The following ARHGEF10L variants were observed in gnomAD, a reference collection of about 807,000 sequenced individuals.
The protein encoded by ARHGEF10L is Rho guanine nucleotide exchange factor 10 like.
ARHGEF10L carries 69 observed loss-of-function variants against 141.2 expected under a neutral mutation model. The observed-to-expected ratio is 0.49, with a 90% CI of 0.40 to 0.60. The LOEUF (loss-of-function observed/expected upper bound fraction) is 0.60, where lower values mean the gene tolerates loss of function less well. ARHGEF10L is among the 20% of genes least tolerant of loss of function. ARHGEF10L has a pLI of 0.00. For missense variants in ARHGEF10L, 1,482 were observed against 1,734.3 expected (o/e 0.85, Z 2.58); for synonymous variants, 711 against 718.5 (o/e 0.99, Z 0.17).
intron 4 of ARHGEF10L, among the ~76,000 whole-genome samples, chr1:17,598,712 A>G (rs1030681885): frequency 4.1e-4 from 62 of 151,548 alleles, no homozygotes; most frequent in Non-Finnish European, 1.0e-4. Flanking sequence ...TTCATACCAT[A>G]GCAGATGGAG....
chr1:17,541,793 C>T (rs1026114462), intron 1 of ARHGEF10L, among the ~76,000 whole-genome samples: 1 of 151,512 alleles, frequency 6.6e-6, no homozygotes, highest in Non-Finnish European at 1.5e-5. Flanking sequence ...CATGGTGAAA[C>T]CCCATCTCTA....
chr1:17,668,699 G>A (rs909474486), intron 26 of ARHGEF10L, among the ~76,000 whole-genome samples: 2 of 152,198 alleles, frequency 1.3e-5, no homozygotes, highest in African/African-American at 2.4e-5. Context: ...ACGCCCCCAT[G>A]TGCAGCCAGG....
intron 27 of ARHGEF10L, among the ~76,000 whole-genome samples, chr1:17,689,124 C>G (rs144671048): frequency 6.6e-6 from 1 of 152,070 alleles, no homozygotes; most frequent in Non-Finnish European, 1.5e-5. Flanking sequence ...ATGCAGTAGA[C>G]CAGAGGCAGG....
intron 21 of ARHGEF10L, among the ~76,000 whole-genome samples, chr1:17,641,508 A>G (rs906038254): frequency 6.6e-6 from 1 of 151,912 alleles, no homozygotes; most frequent in African/African-American, 2.4e-5. Context: ...CTGTAGTCCC[A>G]GCTACTCGGG....
At chr1:17,690,941 A>G (rs538798229) in intron 27 of ARHGEF10L, among the ~76,000 whole-genome samples, 8 of 152,294 alleles carry the variant, frequency 5.3e-5, no homozygotes, top group African/African-American at 1.7e-4. Context: ...CTTCCCCCAC[A>G]CCAGCAAATG....
intron 1 of ARHGEF10L, among the ~76,000 whole-genome samples, chr1:17,560,131 G>A (rs2077488548): frequency 3.3e-5 from 5 of 152,136 alleles, no homozygotes; most frequent in Admixed American, 3.3e-4. Context: ...GTGCCCTCCA[G>A]GGGAACGAGG....
intron 9 of ARHGEF10L, among the ~76,000 whole-genome samples, chr1:17,617,217 C>T (rs534800006): frequency 9.9e-5 from 15 of 152,212 alleles, no homozygotes; most frequent in African/African-American, 3.4e-4. Flanking sequence ...GAGGGTTTTA[C>T]GCAGAAGCGT....
chr1:17,692,743 G>A (rs949834249), intron 27 of ARHGEF10L, among the ~76,000 whole-genome samples: 3 of 152,218 alleles, frequency 2.0e-5, no homozygotes, highest in Admixed American at 6.5e-5. Flanking sequence ...AGGCCTTCCG[G>A]TAGCTTTTCA....
chr1:17,516,694 AAGGCT>A, the ARHGEF10L span, among the ~76,000 whole-genome samples: 9 of 152,132 alleles, frequency 5.9e-5, no homozygotes, highest in Non-Finnish European at 5.9e-5. Flanking sequence ...TGCAGGAATC[AAGGCT>A]AGGGGGTGGG....
intron 5 of ARHGEF10L, 121 bp downstream of exon 5, chr1:17,602,339 G>T (rs1419301575): frequency 1.7e-6 from 2 of 1,173,574 alleles, no homozygotes; most frequent in Admixed American, 2.3e-5. Flanking sequence ...CTCACCGGGG[G>T]CTTCTGTGGC....
intron 26 of ARHGEF10L, among the ~76,000 whole-genome samples, chr1:17,686,601 G>C (rs960826744): frequency 6.6e-6 from 1 of 152,158 alleles, no homozygotes; most frequent in Non-Finnish European, 1.5e-5. Flanking sequence ...GTTCGGGGGG[G>C]CAGTGCGTGC....
chr1:17,560,624 G>A (rs2077508053), intron 1 of ARHGEF10L, among the ~76,000 whole-genome samples: 1 of 152,176 alleles, frequency 6.6e-6, no homozygotes, highest in Non-Finnish European at 1.5e-5. Flanking sequence ...GGAGTACAAT[G>A]GCGCAATCTC....
At chr1:17,581,470 C>T (rs953269252) in intron 2 of ARHGEF10L, among the ~76,000 whole-genome samples, 11 of 152,178 alleles carry the variant, frequency 7.2e-5, no homozygotes, top group Admixed American at 2.0e-4. Context: ...ATCCAGGCCC[C>T]GCCTGGGAGG....
the ARHGEF10L span, among the ~76,000 whole-genome samples, chr1:17,527,830 C>T: frequency 6.7e-6 from 1 of 149,468 alleles, no homozygotes; most frequent in African/African-American, 2.5e-5. Flanking sequence ...TTATTGCCCT[C>T]TAGTGCTTTT....
intron 27 of ARHGEF10L, among the ~76,000 whole-genome samples, chr1:17,690,125 G>A (rs1027213827): frequency 2.0e-5 from 3 of 152,212 alleles, no homozygotes; most frequent in East Asian, 1.9e-4. Context: ...ACGGACTCTC[G>A]TTAGAGCTTC....
At chr1:17,580,804 T>C (rs1457096138) in intron 2 of ARHGEF10L, among the ~76,000 whole-genome samples, 172 bp downstream of exon 2, 1 of 152,114 alleles carries the variant, frequency 6.6e-6, no homozygotes, top group Non-Finnish European at 1.5e-5. Context: ...GTCTACAAAA[T>C]AGAAGTAACT....
Position 17,696,919 on chromosome 1 carries a change from G to A in ARHGEF10L, c.3379G>A (p.Ala1127Thr), listed in dbSNP as rs1313165247. Residue 1127 changes from alanine to threonine, a missense_variant, in exon 29 of 29, where the codon GCC (alanine) becomes ACC (threonine). By Grantham distance (58) the Ala-to-Thr change is moderately conservative. Coordinates refer to ENST00000361221, the MANE Select transcript of ARHGEF10L (RefSeq NM_018125.4). ...AFLAVATSIL[A>T]PDILRSDQEE... is the part of the protein sequence containing the mutation. Reference sequence around the variant, plus strand: ...CCTGGCTGTGGCTACCAGCATCCTGGCCCCTGACATCCTGCGGAGTGACCA... The same window carrying A: ...CCTGGCTGTGGCTACCAGCATCCTGACCCCTGACATCCTGCGGAGTGACCA... 2 of 1,610,078 alleles carry A rather than the reference G, an allele frequency of 1.2e-6. No homozygotes were observed. Among genetic ancestry groups the A allele is most frequent in the African/African-American group, 2.7e-5 (2 of 75,016 alleles).
chr1:17,553,487 T>A (rs1344729040), intron 1 of ARHGEF10L, among the ~76,000 whole-genome samples: 2 of 152,134 alleles, frequency 1.3e-5, no homozygotes, highest in Non-Finnish European at 2.9e-5. Context: ...CCTCTATAGT[T>A]TGACACACTG....
chr1:17,548,957 G>A (rs1428705371), intron 1 of ARHGEF10L, among the ~76,000 whole-genome samples: 2 of 150,506 alleles, frequency 1.3e-5, no homozygotes, highest in African/African-American at 4.9e-5. Flanking sequence ...CCCTGGGATG[G>A]CATATTCTGA....
Sources: allele counts gnomAD v4.1 joint callset (sites outside exome capture counted in the v4.1 genomes callset), GRCh38; gene constraint gnomAD v4.1.1; transcripts MANE v1.5; gene names NCBI Gene and HGNC (gene_info 2026-07-23, HGNC 2026-07-21).